Variants in MYO1D observed in about 807,000 individuals in gnomAD.
MYO1D encodes myosin ID.
A neutral mutation model predicts 122.0 loss-of-function variants in MYO1D; 83 were observed. The ratio of observed to expected loss-of-function variants is 0.68; its 90% confidence interval spans 0.57 to 0.82. MYO1D has a LOEUF of 0.82. Among genes scored for constraint, MYO1D ranks in the 40% least tolerant of loss-of-function variants. The pLI is 0.00. For synonymous variants in MYO1D, 464 were observed against 446.9 expected (o/e 1.04, Z -0.48); for missense variants, 1,157 against 1,269.5 (o/e 0.91, Z 1.35).
intron 19 of MYO1D, among the ~76,000 whole-genome samples, chr17:32,648,039 C>G (rs578117520): frequency 9.7e-4 from 148 of 152,196 alleles, no homozygotes; most frequent in African/African-American, 3.4e-3. Flanking sequence ...CATGGTGAAA[C>G]CCTGCCTATA....
chr17:32,799,897 T>C (rs981703440), intron 1 of MYO1D, among the ~76,000 whole-genome samples: 3 of 152,294 alleles, frequency 2.0e-5, no homozygotes, highest in South Asian at 2.1e-4. Flanking sequence ...AGGACTTGAA[T>C]TGATATTTCT....
intron 21 of MYO1D, among the ~76,000 whole-genome samples, chr17:32,571,543 C>T (rs549829562): frequency 2.9e-4 from 44 of 152,114 alleles, no homozygotes; most frequent in Middle Eastern, 3.4e-3. Flanking sequence ...AGCAGAGGAC[C>T]GAGAATTGGG....
chr17:32,639,403 G>A (rs2088159455), intron 19 of MYO1D, among the ~76,000 whole-genome samples: 1 of 150,612 alleles, frequency 6.6e-6, no homozygotes, highest in African/African-American at 2.5e-5. Context: ...GTGTGTGTGT[G>A]TGTGTGTAGA....
At chr17:32,568,015 T>A (rs1462369958) in intron 21 of MYO1D, among the ~76,000 whole-genome samples, 1 of 152,152 alleles carries the variant, frequency 6.6e-6, no homozygotes, top group Non-Finnish European at 1.5e-5. Flanking sequence ...GCAAAAGGTA[T>A]GCTGCAATAA....
rs899894579 is a variant in MYO1D at position 32,600,911 on chromosome 17, C to T, written c.2864+4176G>A. Among the ~76,000 whole-genome samples, 4 of 151,606 alleles carry T rather than the reference C, an allele frequency of 2.6e-5. No homozygotes were observed. The South Asian group carries it at 6.2e-4, about 24-fold the overall frequency. The stretch of plus-strand genomic sequence containing the variant: ...TTGGCCTATCTCAGCTTTCAACCTG[C>T]GTTCCTCACTAAGCTTAATCATTTC... On this transcript the variant is annotated intron_variant, in intron 21 of 21. Transcript: ENST00000318217.
intron 21 of MYO1D, among the ~76,000 whole-genome samples, chr17:32,506,869 A>G (rs1909518662): frequency 6.6e-6 from 1 of 152,190 alleles, no homozygotes; most frequent in Non-Finnish European, 1.5e-5. Flanking sequence ...TAATCCCAGC[A>G]CTTTGGGAGG....
chr17:32,748,901 G>T, intron 12 of MYO1D, 35 bp downstream of exon 12: 1 of 1,556,870 alleles, frequency 6.4e-7, no homozygotes, highest in Middle Eastern at 1.7e-4. Context: ...GAGGCGGCAT[G>T]CAAATCATGG....
At chr17:32,772,761 T>A (rs768325408) in intron 5 of MYO1D, 28 bp downstream of exon 5, 3 of 1,563,756 alleles carry the variant, frequency 1.9e-6, no homozygotes, top group Non-Finnish European at 1.8e-6. Flanking sequence ...GGGCAAATGA[T>A]CAATTATCTG....
intron 1 of MYO1D, among the ~76,000 whole-genome samples, chr17:32,854,052 T>C (rs2091009720): frequency 6.6e-6 from 1 of 152,240 alleles, no homozygotes; most frequent in Admixed American, 6.5e-5. Context: ...AAAATTATCT[T>C]AGTTTCCTAA....
chr17:32,494,753 G>C lies in MYO1D; in HGVS notation c.*6C>G. On this transcript the variant is annotated 3_prime_UTR_variant, in exon 22 of 22. Transcript: ENST00000318217. The stretch of plus-strand genomic sequence containing the variant: ...GCCGGGCTCCGGGCCAGGCCTCCGC[G>C]GGGCGTCAGTTCCCGGGCACGCTGA... 2 of 1,592,988 alleles carry C rather than the reference G, an allele frequency of 1.3e-6. No homozygotes were observed. Among genetic ancestry groups the C allele is most frequent in the African/African-American group, 2.7e-5 (2 of 74,464 alleles).
chr17:32,611,834 G>A (rs370492060), intron 20 of MYO1D, among the ~76,000 whole-genome samples: 28 of 152,292 alleles, frequency 1.8e-4, no homozygotes, highest in Admixed American at 4.6e-4. Flanking sequence ...GCGAGACTCC[G>A]TCTCAAAAAC....
At chr17:32,786,272 A>AG (rs1238932222) in intron 1 of MYO1D, among the ~76,000 whole-genome samples, 1 of 152,170 alleles carries the variant, frequency 6.6e-6, no homozygotes, top group African/African-American at 2.4e-5. Flanking sequence ...TTAAAAAAAA[A>AG]CAGGCTGTCA....
intron 1 of MYO1D, among the ~76,000 whole-genome samples, chr17:32,796,290 C>T (rs2090416408): frequency 6.6e-6 from 1 of 152,136 alleles, no homozygotes; most frequent in Non-Finnish European, 1.5e-5. Context: ...ATCAACACTG[C>T]TCAGGAAAAT....
At chr17:32,850,987 A>T (rs530059795) in intron 1 of MYO1D, among the ~76,000 whole-genome samples, 2 of 152,068 alleles carry the variant, frequency 1.3e-5, no homozygotes, top group African/African-American at 2.4e-5. Flanking sequence ...TAGGCTGCCA[A>T]GTACTATGAA....
chr17:32,781,088 GT>G (rs1347321302), intron 1 of MYO1D, among the ~76,000 whole-genome samples: 5 of 152,202 alleles, frequency 3.3e-5, no homozygotes, highest in African/African-American at 1.2e-4. Flanking sequence ...GCTAAAAAGA[GT>G]TGAAGACAAT....
intron 21 of MYO1D, among the ~76,000 whole-genome samples, chr17:32,530,333 TATA>T (rs1474036937): frequency 6.6e-6 from 1 of 152,220 alleles, no homozygotes; most frequent in African/African-American, 2.4e-5. Flanking sequence ...CCTTTAAAAC[TATA>T]ATAATTGCAT....
chr17:32,507,892 CTTTT>C (rs34271237), intron 21 of MYO1D, among the ~76,000 whole-genome samples: 3 of 109,316 alleles, frequency 2.7e-5, no homozygotes, highest in Non-Finnish European at 3.6e-5. Flanking sequence ...CCATGCTGGA[CTTTT>C]TTTTTTTTTT....
At chr17:32,730,194 T>C (rs1001062746) in intron 14 of MYO1D, among the ~76,000 whole-genome samples, 2 of 151,896 alleles carry the variant, frequency 1.3e-5, no homozygotes, top group African/African-American at 4.8e-5. Context: ...TCAATGATTA[T>C]GTTAGAAAAT....
chr17:32,498,005 C>G (rs1381747213), intron 21 of MYO1D: 1 of 152,420 alleles, frequency 6.6e-6, no homozygotes, highest in Admixed American at 6.5e-5. Flanking sequence ...GCATTCCACA[C>G]CACCGGCCCA....
Sources: gnomAD v4.1 joint callset for allele counts (sites outside exome capture counted in the v4.1 genomes callset) on GRCh38, gnomAD v4.1.1 for gene constraint, MANE v1.5 for transcripts, NCBI Gene and HGNC (gene_info 2026-07-23, HGNC 2026-07-21) for gene names.